Variants in SLC25A48 observed in about 807,000 individuals in gnomAD.
SLC25A48 encodes solute carrier family 25 member 48, also known as CTC-321K16.1.
Under a neutral mutation model 32.2 loss-of-function variants are expected in SLC25A48, and 29 were observed. That is an observed-to-expected ratio of 0.90 (90% CI 0.67 to 1.23). The LOEUF (loss-of-function observed/expected upper bound fraction) is 1.23, where lower values mean the gene tolerates loss of function less well. Among genes scored for constraint, SLC25A48 ranks in the 50% most tolerant of loss-of-function variants. SLC25A48 has a pLI of 0.00. For missense variants in SLC25A48, 399 were observed against 422.7 expected (o/e 0.94, Z 0.49); for synonymous variants, 164 against 172.3 (o/e 0.95, Z 0.38).
At chr5:135,651,457 G>T (rs533552318) in intron 3 of SLC25A48, among the ~76,000 whole-genome samples, 1 of 152,248 alleles carries the variant, frequency 6.6e-6, no homozygotes, top group African/African-American at 2.4e-5. Flanking sequence ...CAGATTCCCA[G>T]CAAGTCCTAC....
intron 3 of SLC25A48, among the ~76,000 whole-genome samples, chr5:135,739,159 C>T (rs528025880): frequency 2.5e-4 from 38 of 151,800 alleles, no homozygotes; most frequent in Non-Finnish European, 4.7e-4. Flanking sequence ...ACTCTGTTGC[C>T]CAGGCTGGAG....
chr5:135,873,994 C>CT, intron 5 of SLC25A48, 27 bp from the exon 6 acceptor site: 1 of 1,523,702 alleles, frequency 6.6e-7, no homozygotes, highest in South Asian at 1.2e-5. Context: ...GAGCTAGCCC[C>CT]TGACACCTGT....
chr5:135,771,211 G>A (rs550617982), intron 3 of SLC25A48, among the ~76,000 whole-genome samples: 3 of 151,164 alleles, frequency 2.0e-5, no homozygotes, highest in Admixed American at 1.3e-4. Flanking sequence ...TGTAATAGCC[G>A]GGGGGGAGAA....
At chr5:135,711,812 C>T (rs1257649839) in intron 3 of SLC25A48, among the ~76,000 whole-genome samples, 1 of 152,126 alleles carries the variant, frequency 6.6e-6, no homozygotes, top group East Asian at 1.9e-4. Flanking sequence ...CCTCATTCTG[C>T]TCCGTTTATT....
chr5:135,678,486 T>A (rs1322797024), intron 3 of SLC25A48, among the ~76,000 whole-genome samples: 4 of 152,230 alleles, frequency 2.6e-5, no homozygotes, highest in Admixed American at 6.5e-5. Context: ...CTGGGCTTTT[T>A]AAATATCATT....
chr5:135,580,874 A>G (rs1235794453), intron 1 of SLC25A48, among the ~76,000 whole-genome samples: 2 of 152,116 alleles, frequency 1.3e-5, no homozygotes, highest in Non-Finnish European at 2.9e-5. Flanking sequence ...TGCTATACCT[A>G]TTAGCATATT....
At chr5:135,776,303 T>A (rs10463936) in intron 3 of SLC25A48, among the ~76,000 whole-genome samples, 42,999 of 147,102 alleles carry the variant, frequency 0.29, 6,485 homozygotes, top group East Asian at 0.44. Flanking sequence ...ATTACTTCCA[T>A]TATCACACGG....
At chr5:135,799,022 T>C (rs1035717770) in intron 3 of SLC25A48, among the ~76,000 whole-genome samples, 4 of 151,734 alleles carry the variant, frequency 2.6e-5, no homozygotes, top group Non-Finnish European at 5.9e-5. Context: ...TGTGATATCG[T>C]TTTTAATATC....
intron 3 of SLC25A48, among the ~76,000 whole-genome samples, chr5:135,727,949 T>C (rs1016409674): frequency 2.0e-5 from 3 of 152,168 alleles, no homozygotes; most frequent in African/African-American, 7.2e-5. Context: ...AAATTTTGTG[T>C]TCTGTCTTTT....
At chr5:135,611,523 A>AAAAAAAAAAAAAAGAAAAAG (rs1752067388) in intron 1 of SLC25A48, among the ~76,000 whole-genome samples, 1 of 139,430 alleles carries the variant, frequency 7.2e-6, no homozygotes, top group African/African-American at 2.8e-5. Context: ...AAAAAAAAAA[A>AAAAAAAAAAAAAAGAAAAAG]AAAAGAAAAA....
At chr5:135,871,959 G>T in intron 5 of SLC25A48, 2 of 1,435,736 alleles carry the variant, frequency 1.4e-6, no homozygotes, top group South Asian at 3.7e-5. Context: ...GATATATTTT[G>T]AACACATACT....
intron 3 of SLC25A48, among the ~76,000 whole-genome samples, chr5:135,692,351 G>A (rs1007984091): frequency 2.7e-5 from 4 of 146,532 alleles, no homozygotes; most frequent in East Asian, 2.0e-4. Context: ...TCAGTAGCTC[G>A]TGCTAGTTCT....
intron 3 of SLC25A48, among the ~76,000 whole-genome samples, chr5:135,673,907 A>G (rs1373373665): frequency 6.6e-6 from 1 of 151,184 alleles, no homozygotes; most frequent in Non-Finnish European, 1.5e-5. Context: ...AGATGAGGTA[A>G]GGGTCAAGGC....
Position 135,731,790 on chromosome 5 carries a change from G to T in SLC25A48, c.-520-80733G>T, listed in dbSNP as rs900073060. On this transcript the variant is annotated intron_variant, in intron 3 of 10. Transcript: ENST00000646290. ...GGTTCAGCATGGCCCTGCCAGCAAA[G>T]ATTATTTATTTACTTTAAGAGGGAG... Among the ~76,000 whole-genome samples the T allele has an allele frequency of 1.5e-4, 23 of 152,252 alleles. 1 individual carries two copies. Among genetic ancestry groups the T allele is most frequent in the Admixed American group, 1.4e-3 (22 of 15,280 alleles).
At chr5:135,714,000 G>A (rs1287370152) in intron 3 of SLC25A48, among the ~76,000 whole-genome samples, 1 of 152,210 alleles carries the variant, frequency 6.6e-6, no homozygotes, top group East Asian at 1.9e-4. Context: ...TGGAGCAGGA[G>A]TGCGGGCGAG....
chr5:135,734,942 C>A (rs1755324587), intron 3 of SLC25A48, among the ~76,000 whole-genome samples: 1 of 152,210 alleles, frequency 6.6e-6, no homozygotes. Context: ...CAGCCTTCAG[C>A]CGCTAAGCCG....
chr5:135,626,061 A>G (rs1248303863), intron 1 of SLC25A48, among the ~76,000 whole-genome samples: 1 of 152,202 alleles, frequency 6.6e-6, no homozygotes, highest in Non-Finnish European at 1.5e-5. Context: ...AACCTGATGA[A>G]ATAAACCTCA....
chr5:135,743,863 A>G (rs901560185), intron 3 of SLC25A48, among the ~76,000 whole-genome samples: 1 of 152,182 alleles, frequency 6.6e-6, no homozygotes. Context: ...CCTCCCATAA[A>G]CAAGGACATG....
chr5:135,652,420 T>C, intron 3 of SLC25A48: 3 of 456,220 alleles, frequency 6.6e-6, no homozygotes, highest in South Asian at 1.5e-5. Context: ...CTATCCACCA[T>C]TATGACATTC....
Sources: gnomAD v4.1 joint callset for allele counts (sites outside exome capture counted in the v4.1 genomes callset) on GRCh38, gnomAD v4.1.1 for gene constraint, MANE v1.5 for transcripts, NCBI Gene and HGNC (gene_info 2026-07-23, HGNC 2026-07-21) for gene names.